TCERG1L: variants seen among roughly 807,000 people sequenced by gnomAD.
The protein encoded by TCERG1L is transcription elongation regulator 1-like protein.
In TCERG1L, 37 loss-of-function variants were observed where a neutral mutation model predicts 56.3. That is an observed-to-expected ratio of 0.66 (90% confidence interval 0.51 to 0.87). The LOEUF is 0.87. TCERG1L is among the 40% of genes least tolerant of loss of function. TCERG1L has a pLI of 0.00. For synonymous variants in TCERG1L, 324 were observed against 326.3 expected (o/e 0.99, Z 0.08); for missense variants, 799 against 774.2 (o/e 1.03, Z -0.38).
intron 11 of TCERG1L, 119 bp downstream of exon 11, chr10:131,098,187 A>C: frequency 9.1e-7 from 1 of 1,101,690 alleles, no homozygotes; most frequent in Non-Finnish European, 1.3e-6. Flanking sequence ...CAAAGCTCAC[A>C]CTTTCGTGTC....
intron 7 of TCERG1L, among the ~76,000 whole-genome samples, chr10:131,139,423 T>C (rs1262123564): frequency 2.0e-5 from 3 of 151,802 alleles, no homozygotes; most frequent in Non-Finnish European, 4.4e-5. Context: ...GGACAGGAGA[T>C]GGATAGGAGA....
chr10:131,288,494 G>A (rs1357980008), intron 3 of TCERG1L, among the ~76,000 whole-genome samples: 1 of 152,126 alleles, frequency 6.6e-6, no homozygotes, highest in African/African-American at 2.4e-5. Context: ...CCGCTGTGCC[G>A]GGAGGTGGGT....
At chr10:131,212,004 G>T (rs559376390) in intron 4 of TCERG1L, among the ~76,000 whole-genome samples, 2 of 152,274 alleles carry the variant, frequency 1.3e-5, no homozygotes, top group South Asian at 4.2e-4. Context: ...TAGCAAGCAA[G>T]AATTAATGAT....
At chr10:131,209,508 A>G (rs1845592691) in intron 4 of TCERG1L, among the ~76,000 whole-genome samples, 1 of 152,260 alleles carries the variant, frequency 6.6e-6, no homozygotes, top group Non-Finnish European at 1.5e-5. Context: ...ATATTTTTAT[A>G]TGCACGCAGC....
intron 8 of TCERG1L, among the ~76,000 whole-genome samples, chr10:131,120,020 G>A (rs542993526): frequency 9.9e-5 from 15 of 152,056 alleles, no homozygotes; most frequent in Non-Finnish European, 1.8e-4. Context: ...GGTCCCTCAC[G>A]CCCAGGGTCC....
At chr10:131,161,572 C>T (rs936313337) in intron 6 of TCERG1L, 1 of 152,186 alleles carries the variant, frequency 6.6e-6, no homozygotes, top group East Asian at 1.9e-4. Flanking sequence ...GAAATGACTT[C>T]AGGACCCCTG....
chr10:131,281,359 C>A (rs1020693684), intron 3 of TCERG1L, among the ~76,000 whole-genome samples: 2 of 151,956 alleles, frequency 1.3e-5, no homozygotes, highest in African/African-American at 4.8e-5. Flanking sequence ...ATCACCAATG[C>A]ACATGGACTA....
At chr10:131,211,678 A>T (rs185247190) in intron 4 of TCERG1L, among the ~76,000 whole-genome samples, 172 of 152,170 alleles carry the variant, frequency 1.1e-3, no homozygotes, top group African/African-American at 4.0e-3. Context: ...AAACAACATA[A>T]ATGCAGCACG....
At chr10:131,247,180 G>A (rs550320465) in intron 4 of TCERG1L, among the ~76,000 whole-genome samples, 66 of 152,270 alleles carry the variant, frequency 4.3e-4, no homozygotes, top group African/African-American at 1.5e-3. Context: ...ACACAGCGAC[G>A]GACACATTTT....
intron 10 of TCERG1L, 131 bp from the exon 11 acceptor site, chr10:131,098,555 G>T: frequency 1.7e-6 from 2 of 1,178,900 alleles, no homozygotes; most frequent in Non-Finnish European, 2.3e-6. Context: ...AGCTGCTGGA[G>T]TTATGAGCAA....
chr10:131,257,112 C>T (rs1846181776), intron 4 of TCERG1L, among the ~76,000 whole-genome samples: 1 of 151,594 alleles, frequency 6.6e-6, no homozygotes, highest in African/African-American at 2.4e-5. Context: ...GCAGGCTCTG[C>T]CCGGCCTATC....
At chr10:131,276,045 T>C (rs796935184) in intron 3 of TCERG1L, among the ~76,000 whole-genome samples, 10 of 152,334 alleles carry the variant, frequency 6.6e-5, no homozygotes, top group African/African-American at 2.4e-4. Flanking sequence ...CCATACTGTG[T>C]ATGCAGCAGG....
At chr10:131,252,629 G>A (rs1016438525) in intron 4 of TCERG1L, among the ~76,000 whole-genome samples, 43 of 152,240 alleles carry the variant, frequency 2.8e-4, no homozygotes, top group South Asian at 1.5e-3. Flanking sequence ...TCCAACGAGC[G>A]CCCATCAGGG....
chr10:131,201,790 G>T (rs1436380832), intron 4 of TCERG1L, among the ~76,000 whole-genome samples: 1 of 152,164 alleles, frequency 6.6e-6, no homozygotes, highest in Non-Finnish European at 1.5e-5. Context: ...CCTTCTAAAT[G>T]CTCAGCTGTG....
intron 3 of TCERG1L, among the ~76,000 whole-genome samples, chr10:131,284,952 A>G (rs1261537475): frequency 1.3e-5 from 2 of 152,188 alleles, no homozygotes; most frequent in African/African-American, 4.8e-5. Flanking sequence ...AGTTCTACAA[A>G]TTATTTTTAA....
intron 4 of TCERG1L, among the ~76,000 whole-genome samples, chr10:131,227,612 G>T (rs1471789149): frequency 1.6e-4 from 24 of 152,214 alleles, no homozygotes; most frequent in Admixed American, 1.6e-3. Flanking sequence ...CCGACCCTGG[G>T]TTCTCTATGG....
chr10:131,204,514 T>C (rs9919522), intron 4 of TCERG1L, among the ~76,000 whole-genome samples: 49,283 of 151,794 alleles, frequency 0.32, 8,442 homozygotes, highest in East Asian at 0.44. Flanking sequence ...CCATTTCCCA[T>C]GTACAGTGGA....
At chr10:131,160,872 G>A (rs1845969838) in intron 6 of TCERG1L, 1 of 152,224 alleles carries the variant, frequency 6.6e-6, no homozygotes, top group East Asian at 1.9e-4. Flanking sequence ...TTCGCAGTGA[G>A]AAGGTTCTAG....
At chr10:131,270,651 T>G (rs1846330734) in intron 3 of TCERG1L, among the ~76,000 whole-genome samples, 1 of 152,220 alleles carries the variant, frequency 6.6e-6, no homozygotes, top group African/African-American at 2.4e-5. Context: ...GGCGTTTGCA[T>G]TGTTATTGCC....
Sources: allele counts gnomAD v4.1 joint callset (sites outside exome capture counted in the v4.1 genomes callset), GRCh38; gene constraint gnomAD v4.1.1; transcripts MANE v1.5; gene names NCBI Gene and HGNC (gene_info 2026-07-23, HGNC 2026-07-21).